CSMD3: variants seen among roughly 807,000 people sequenced by gnomAD.
CSMD3 encodes CUB and sushi domain-containing protein 3.
In CSMD3, 177 loss-of-function variants were observed where a neutral mutation model predicts 435.2. The observed-to-expected ratio is 0.41, with a 90% confidence interval of 0.36 to 0.46. The LOEUF is 0.46. CSMD3 is among the 20% of genes least tolerant of loss of function. CSMD3 has a pLI of 0.34. For missense variants in CSMD3, 4,265 were observed against 4,504.6 expected, an observed-to-expected ratio of 0.95 and a Z score of 1.52; for synonymous variants, 1,656 against 1,520.5, an observed-to-expected ratio of 1.09 and a Z score of -2.07.
intron 13 of CSMD3, among the ~76,000 whole-genome samples, chr8:112,713,668 A>G (rs1769001643): frequency 6.6e-6 from 1 of 152,208 alleles, no homozygotes. Flanking sequence ...AAGGACAGCC[A>G]GACAAAAAGG....
At chr8:113,297,468 T>C (rs1696888552) in intron 2 of CSMD3, among the ~76,000 whole-genome samples, 1 of 152,058 alleles carries the variant, frequency 6.6e-6, no homozygotes, top group South Asian at 2.1e-4. Context: ...TTTGATGCAG[T>C]AGTAAATCAG....
At chr8:112,964,873 TATCCTACGCAATGC>T (rs1278077333) in intron 7 of CSMD3, among the ~76,000 whole-genome samples, 1 of 151,842 alleles carries the variant, frequency 6.6e-6, no homozygotes, top group Non-Finnish European at 1.5e-5. Flanking sequence ...AAGAGAAAAA[TATCCTACGCAATGC>T]ACCCTAAACC....
intron 59 of CSMD3, among the ~76,000 whole-genome samples, chr8:112,270,261 A>C (rs1380448657): frequency 1.3e-5 from 2 of 151,966 alleles, no homozygotes; most frequent in Non-Finnish European, 2.9e-5. Context: ...TGTTTCTAAA[A>C]TCATTGAAAT....
At chr8:113,322,911 AATTTTTGT>A (rs2093958639) in intron 1 of CSMD3, among the ~76,000 whole-genome samples, 1 of 151,884 alleles carries the variant, frequency 6.6e-6, no homozygotes. Flanking sequence ...ATGCCCGGCT[AATTTTTGT>A]ATTTTAAGTA....
chr8:112,398,750 T>A (rs1831066827), intron 35 of CSMD3, among the ~76,000 whole-genome samples: 1 of 152,132 alleles, frequency 6.6e-6, no homozygotes, highest in Non-Finnish European at 1.5e-5. Context: ...GTAGCCTGGA[T>A]GATCTCTAAA....
At chr8:112,483,432 G>A (rs1004094707) in intron 31 of CSMD3, among the ~76,000 whole-genome samples, 30 of 152,202 alleles carry the variant, frequency 2.0e-4, no homozygotes, top group African/African-American at 6.5e-4. Flanking sequence ...CCAGTGAGCC[G>A]AGCTTGCGCC....
intron 11 of CSMD3, among the ~76,000 whole-genome samples, chr8:112,842,660 T>G (rs1380061734): frequency 6.6e-6 from 1 of 151,836 alleles, no homozygotes; most frequent in Non-Finnish European, 1.5e-5. Flanking sequence ...TTTTTGGTGG[T>G]GATCTGTGAT....
intron 5 of CSMD3, among the ~76,000 whole-genome samples, chr8:113,090,035 T>G (rs1399869074): frequency 6.6e-6 from 1 of 152,066 alleles, no homozygotes; most frequent in Non-Finnish European, 1.5e-5. Flanking sequence ...GCAGAGAAAG[T>G]CATTGTAGAA....
intron 3 of CSMD3, among the ~76,000 whole-genome samples, chr8:113,177,740 C>T (rs1030819333): frequency 2.0e-5 from 3 of 151,836 alleles, no homozygotes; most frequent in African/African-American, 7.2e-5. Context: ...CTAGGCATAA[C>T]AAATTATTTA....
At chr8:113,325,990 T>C (rs973838821) in intron 1 of CSMD3, among the ~76,000 whole-genome samples, 2 of 152,200 alleles carry the variant, frequency 1.3e-5, no homozygotes, top group African/African-American at 4.8e-5. Flanking sequence ...AGAAGACATC[T>C]TAAATTATAA....
chr8:113,076,268 A>AAT (rs1359073555), intron 5 of CSMD3, among the ~76,000 whole-genome samples: 3 of 151,692 alleles, frequency 2.0e-5, no homozygotes, highest in Non-Finnish European at 4.4e-5. Context: ...ATCCTTTTGA[A>AAT]GTTGATAGCT....
At chr8:113,318,442 T>C (rs941933301) in intron 1 of CSMD3, among the ~76,000 whole-genome samples, 1 of 152,124 alleles carries the variant, frequency 6.6e-6, no homozygotes, top group African/African-American at 2.4e-5. Flanking sequence ...CAAGAGTAGC[T>C]AAAATATACT....
intron 18 of CSMD3, 60 bp from the exon 19 acceptor site, chr8:112,650,409 A>G (rs2075095300): frequency 3.8e-6 from 5 of 1,314,460 alleles, no homozygotes; most frequent in African/African-American, 1.4e-5. Context: ...GTTGCTGAAA[A>G]TAATTCCTAG....
chr8:113,187,874 T>A (rs2131966166), intron 3 of CSMD3, among the ~76,000 whole-genome samples: 1 of 152,062 alleles, frequency 6.6e-6, no homozygotes, highest in Admixed American at 6.6e-5. Flanking sequence ...CCTTTATACT[T>A]CTCCAAAATT....
intron 45 of CSMD3, among the ~76,000 whole-genome samples, chr8:112,334,923 C>T (rs572524164): frequency 6.6e-6 from 1 of 152,142 alleles, no homozygotes; most frequent in East Asian, 1.9e-4. Flanking sequence ...TGATCCAAAG[C>T]GTGAAGATAC....
intron 27 of CSMD3, among the ~76,000 whole-genome samples, chr8:112,540,397 C>T (rs898752452): frequency 2.0e-5 from 3 of 151,958 alleles, no homozygotes; most frequent in African/African-American, 7.2e-5. Flanking sequence ...GCTAAAAATA[C>T]AACTACCATA....
chr8:113,366,859 A>T (rs2094315146), intron 1 of CSMD3, among the ~76,000 whole-genome samples: 1 of 152,096 alleles, frequency 6.6e-6, no homozygotes, highest in Non-Finnish European at 1.5e-5. Context: ...CACAATGATT[A>T]TACAAGACAA....
At chr8:112,766,733 CA>C (rs2077988856) in intron 13 of CSMD3, among the ~76,000 whole-genome samples, 1 of 151,728 alleles carries the variant, frequency 6.6e-6, no homozygotes. Flanking sequence ...TTGCTATGAC[CA>C]GGGGGCAAGT....
At chr8:112,321,073 T>C (rs1822956553) in intron 45 of CSMD3, among the ~76,000 whole-genome samples, 1 of 150,954 alleles carries the variant, frequency 6.6e-6, no homozygotes, top group African/African-American at 2.4e-5. Flanking sequence ...GATTGAAGTC[T>C]TTTTTTTTCC....
Sources: gnomAD v4.1 joint callset for allele counts (sites outside exome capture counted in the v4.1 genomes callset) on GRCh38, gnomAD v4.1.1 for gene constraint, MANE v1.5 for transcripts, NCBI Gene and HGNC (gene_info 2026-07-23, HGNC 2026-07-21) for gene names.